ATL2: variants seen among roughly 807,000 people sequenced by gnomAD.
ATL2 encodes atlastin-2.
Under a neutral mutation model 73.9 loss-of-function variants are expected in ATL2, and 31 were observed. The observed-to-expected ratio is 0.42, with a 90% CI of 0.32 to 0.57. The LOEUF (loss-of-function observed/expected upper bound fraction) is 0.57, where lower values mean the gene tolerates loss of function less well. ATL2 is among the 20% of genes least tolerant of loss of function. The pLI is 0.14. For missense variants in ATL2, 738 were observed against 702.6 expected, an observed-to-expected ratio of 1.05 and a Z score of -0.57; for synonymous variants, 291 against 237.5, an observed-to-expected ratio of 1.23 and a Z score of -2.07.
chr2:38,302,853 G>A (rs1374741557), intron 9 of ATL2, among the ~76,000 whole-genome samples: 2 of 152,158 alleles, frequency 1.3e-5, no homozygotes, highest in African/African-American at 4.8e-5. Flanking sequence ...AAGGATGACA[G>A]GTACAAACAA....
intron 1 of ATL2, among the ~76,000 whole-genome samples, chr2:38,355,244 A>G (rs942930710): frequency 6.6e-6 from 1 of 152,206 alleles, no homozygotes; most frequent in South Asian, 2.1e-4. Context: ...CTCCTGTCTC[A>G]GCCTCCCGAG....
chr2:38,309,081 C>T (rs2148418255), intron 9 of ATL2, among the ~76,000 whole-genome samples: 1 of 152,178 alleles, frequency 6.6e-6, no homozygotes, highest in Middle Eastern at 3.4e-3. Context: ...TATTATCATT[C>T]ACTAATGACA....
At chr2:38,315,171 A>C (rs1667962155) in intron 5 of ATL2, 113 bp downstream of exon 5, 1 of 1,100,490 alleles carries the variant, frequency 9.1e-7, no homozygotes. Context: ...GAATCCCTTG[A>C]ACTTGGGAGG....
chr2:38,298,642 T>C lies in ATL2; in HGVS notation c.1201-67A>G, dbSNP rs1024619319. 1.7e-5 allele frequency: 25 copies of C among 1,508,426 alleles called. No individual in the cohort carries two copies. The South Asian group carries it at 2.4e-4, about 14-fold the overall frequency. 93.4% of individuals were successfully genotyped at this position (1,508,426 alleles called of 1,614,324 possible). A position where few individuals can be genotyped will look rare whatever the true frequency, so the allele number is the denominator to read the frequency against. Reference sequence around the variant, plus strand: ...AACACTTGAAAGAAGTTCCTGTTCATAGTTTTTAGTCTCAGAAAGTCAAAC... The same window carrying C: ...AACACTTGAAAGAAGTTCCTGTTCACAGTTTTTAGTCTCAGAAAGTCAAAC... On this transcript the variant is annotated intron_variant, in intron 11 of 12. Coordinates refer to ENST00000378954, the MANE Select transcript of ATL2 (RefSeq NM_001135673.4).
chr2:38,357,427 T>C (rs1200705569), intron 1 of ATL2, among the ~76,000 whole-genome samples: 1 of 151,496 alleles, frequency 6.6e-6, no homozygotes, highest in Non-Finnish European at 1.5e-5. Context: ...CAGAAATGTT[T>C]CCTATCACAT....
chr2:38,301,095 C>T (rs1278281168), intron 9 of ATL2, among the ~76,000 whole-genome samples: 1 of 151,848 alleles, frequency 6.6e-6, no homozygotes, highest in African/African-American at 2.4e-5. Flanking sequence ...CTCAGCCTCC[C>T]GAGTAGCTGG....
chr2:38,378,481 C>T (rs1239213933), upstream of ATL2, among the ~76,000 whole-genome samples: 1 of 152,222 alleles, frequency 6.6e-6, no homozygotes, highest in Non-Finnish European at 1.5e-5. Flanking sequence ...TCGTGATCCA[C>T]CCGCCTCAGC....
intron 9 of ATL2, among the ~76,000 whole-genome samples, chr2:38,308,311 G>C (rs1382316677): frequency 6.6e-6 from 1 of 152,154 alleles, no homozygotes; most frequent in African/African-American, 2.4e-5. Context: ...CAACATGGTG[G>C]AACTGGAGGA....
chr2:38,343,852 C>G lies in ATL2; in HGVS notation c.119-340G>C, dbSNP rs183913082. ...TTCTCATGATAGTGAATAAGTCTCA[C>G]GAAATTTGATGATTTTATAAGAGGT... is the stretch of plus-strand genomic sequence containing the variant. On this transcript the variant is annotated intron_variant, in intron 1 of 12. Coordinates refer to ENST00000378954, the MANE Select transcript of ATL2 (RefSeq NM_001135673.4). 3.1e-4 allele frequency among the ~76,000 whole-genome samples: 47 copies of G among 152,218 alleles called. 1 individual carries two copies. The highest frequency in any genetic ancestry group is 1.2e-3 in the South Asian group (6 of 4,824).
At chr2:38,336,533 T>G (rs573613863) in intron 2 of ATL2, among the ~76,000 whole-genome samples, 1 of 152,328 alleles carries the variant, frequency 6.6e-6, no homozygotes, top group South Asian at 2.1e-4. Context: ...AACTCTGAAG[T>G]AAACCAAAGT....
chr2:38,362,553 T>C (rs1405396873), intron 1 of ATL2, among the ~76,000 whole-genome samples: 3 of 152,218 alleles, frequency 2.0e-5, no homozygotes, highest in Non-Finnish European at 4.4e-5. Context: ...TCCAGAAATC[T>C]ACATTTTTAA....
chr2:38,375,473 G>A (rs547196764), intron 1 of ATL2, among the ~76,000 whole-genome samples: 1 of 152,188 alleles, frequency 6.6e-6, no homozygotes, highest in South Asian at 2.1e-4. Flanking sequence ...ATAAATGGTG[G>A]GCCCTATTTC....
chr2:38,326,014 A>C (rs1375657151), intron 2 of ATL2, among the ~76,000 whole-genome samples: 6 of 151,934 alleles, frequency 3.9e-5, no homozygotes, highest in Non-Finnish European at 8.8e-5. Context: ...TCAGCTATTC[A>C]GGAGACTGAG....
chr2:38,334,488 G>A (rs1461345924), intron 2 of ATL2, among the ~76,000 whole-genome samples: 3 of 151,770 alleles, frequency 2.0e-5, no homozygotes, highest in Non-Finnish European at 4.4e-5. Flanking sequence ...GATCACCTGA[G>A]GCCAGGAGTT....
At chr2:38,347,760 CCCTTA>C (rs1207424113) in intron 1 of ATL2, among the ~76,000 whole-genome samples, 2 of 149,832 alleles carry the variant, frequency 1.3e-5, no homozygotes, top group Non-Finnish European at 1.5e-5. Context: ...CTTACATCTG[CCCTTA>C]CCTTTTTTTT....
chr2:38,309,281 T>C, intron 9 of ATL2, 98 bp downstream of exon 9: 3 of 1,172,454 alleles, frequency 2.6e-6, no homozygotes, highest in South Asian at 3.6e-5. Context: ...TACTCTTTTT[T>C]GTTTTAAAAT....
intron 1 of ATL2, among the ~76,000 whole-genome samples, chr2:38,347,299 A>G (rs1192184466): frequency 6.6e-6 from 1 of 152,178 alleles, no homozygotes; most frequent in Admixed American, 6.5e-5. Flanking sequence ...AAGCCTGGAC[A>G]ATCTGGCCTT....
chr2:38,371,198 TAA>T (rs556240788), intron 1 of ATL2, among the ~76,000 whole-genome samples: 31 of 139,806 alleles, frequency 2.2e-4, no homozygotes, highest in Admixed American at 2.2e-4. Flanking sequence ...TCTCTTTAAT[TAA>T]AAAAAAAAAA....
chr2:38,324,988 C>T (rs1668517116), intron 2 of ATL2, among the ~76,000 whole-genome samples: 1 of 152,140 alleles, frequency 6.6e-6, no homozygotes, highest in Non-Finnish European at 1.5e-5. Context: ...TGTGAACAGA[C>T]TTAGTGCCAC....
Sources: allele counts gnomAD v4.1 joint callset (sites outside exome capture counted in the v4.1 genomes callset), GRCh38; gene constraint gnomAD v4.1.1; transcripts MANE v1.5; gene names NCBI Gene and HGNC (gene_info 2026-07-23, HGNC 2026-07-21).